CDH26: variants seen among roughly 807,000 people sequenced by gnomAD.
CDH26 encodes the protein cadherin 26.
CDH26 carries 83 observed loss-of-function variants against 90.3 expected under a neutral mutation model. The observed-to-expected ratio is 0.92, with a 90% CI of 0.77 to 1.10. CDH26 has a LOEUF of 1.10. CDH26 is among the 50% of genes least tolerant of loss of function. CDH26 has a pLI of 0.00. For synonymous variants in CDH26, 397 were observed against 396.3 expected (o/e 1.00, Z -0.02); for missense variants, 1,013 against 1,037.6 (o/e 0.98, Z 0.33).
intron 13 of CDH26, among the ~76,000 whole-genome samples, chr20:59,997,914 C>G (rs1385656678): frequency 6.6e-6 from 1 of 152,218 alleles, no homozygotes; most frequent in Non-Finnish European, 1.5e-5. Context: ...TTTGTCTTCC[C>G]TGCGGCATGA....
At chr20:60,018,673 C>G (rs1336430920), downstream of CDH26, among the ~76,000 whole-genome samples, 1 of 79,302 alleles carries the variant, frequency 1.3e-5, no homozygotes, top group Non-Finnish European at 2.7e-5. Flanking sequence ...TTTTGTATAT[C>G]CTCTGTTTCT....
At chr20:59,984,534 C>T in intron 5 of CDH26, 105 bp from the exon 6 acceptor site, 1 of 774,562 alleles carries the variant, frequency 1.3e-6, no homozygotes. Context: ...ACATTCCACT[C>T]ATTTTGGTAT....
chr20:60,010,853 G>C (rs1356222912), intron 17 of CDH26, among the ~76,000 whole-genome samples: 3 of 151,712 alleles, frequency 2.0e-5, no homozygotes, highest in African/African-American at 7.3e-5. Context: ...TCGAGCCGGA[G>C]CCTGCCCAGG....
At chr20:59,959,535 G>A (rs544763486) in intron 1 of CDH26, among the ~76,000 whole-genome samples, 19 of 151,776 alleles carry the variant, frequency 1.3e-4, no homozygotes, top group African/African-American at 4.6e-4. Flanking sequence ...CGAGTACTGG[G>A]ACTACAGGTG....
chr20:59,961,148 T>C (rs1297163294), intron 1 of CDH26, among the ~76,000 whole-genome samples: 2 of 152,226 alleles, frequency 1.3e-5, no homozygotes, highest in Non-Finnish European at 2.9e-5. Flanking sequence ...TGGATTTGAA[T>C]ATAGTCCAGA....
intron 1 of CDH26, among the ~76,000 whole-genome samples, chr20:59,966,843 T>G (rs557418800): frequency 1.4e-4 from 22 of 152,306 alleles, no homozygotes; most frequent in African/African-American, 5.1e-4. Context: ...GGAACCAACC[T>G]AAATGACCAT....
intron 4 of CDH26, among the ~76,000 whole-genome samples, chr20:59,975,891 A>G (rs1475171438): frequency 6.6e-6 from 1 of 152,054 alleles, no homozygotes; most frequent in Non-Finnish European, 1.5e-5. Context: ...ACATTTATTA[A>G]CTCCATGCAT....
chr20:60,002,929 G>A, intron 16 of CDH26, 63 bp downstream of exon 16: 1 of 1,263,296 alleles, frequency 7.9e-7, no homozygotes, highest in Non-Finnish European at 1.1e-6. Flanking sequence ...TAAAAGCTGT[G>A]CAAATCCCTG....
chr20:60,001,316 T>C (rs1335434142), intron 14 of CDH26, 27 bp from the exon 15 acceptor site: 1 of 1,613,482 alleles, frequency 6.2e-7, no homozygotes, highest in East Asian at 2.2e-5. Context: ...CCATTCTCTT[T>C]TGAGTAAATC....
intron 16 of CDH26, among the ~76,000 whole-genome samples, chr20:60,005,667 G>T (rs1049000783): frequency 6.6e-6 from 1 of 152,122 alleles, no homozygotes; most frequent in Non-Finnish European, 1.5e-5. Flanking sequence ...AACACAAATT[G>T]TATGTCACTC....
chr20:60,001,689 A>G (rs566718365), intron 15 of CDH26: 1 of 881,112 alleles, frequency 1.1e-6, no homozygotes, highest in African/African-American at 1.8e-5. Context: ...ACATTTTCTC[A>G]TGTCCTTCTA....
intron 4 of CDH26, among the ~76,000 whole-genome samples, chr20:59,980,599 T>C (rs1181706297): frequency 6.6e-6 from 1 of 152,192 alleles, no homozygotes. Context: ...CACCCGGCCA[T>C]ATATTGTTTG....
intron 8 of CDH26, among the ~76,000 whole-genome samples, chr20:59,988,237 C>A (rs1240257342): frequency 6.6e-6 from 1 of 152,186 alleles, no homozygotes; most frequent in African/African-American, 2.4e-5. Flanking sequence ...GAGGATCCCA[C>A]TGGGGCAGTC....
At chr20:60,026,732 A>G (rs900038344) in intron 7 of CDH26, among the ~76,000 whole-genome samples, 1 of 152,164 alleles carries the variant, frequency 6.6e-6, no homozygotes, top group African/African-American at 2.4e-5. Flanking sequence ...GCTCTGTGAA[A>G]CTCAGGGCAG....
rs776671359 is a variant in CDH26, at chr20:60,001,412, G to C, written c.2166+1G>C. The C allele has an allele frequency of 1.2e-6, 2 of 1,613,658 alleles. No homozygotes were observed. Among genetic ancestry groups the C allele is most frequent in the Non-Finnish European group, 1.7e-6 (2 of 1,179,870 alleles). On this transcript the variant is annotated splice_donor_variant, in intron 15 of 17. Coordinates refer to ENST00000348616, the MANE Select transcript of CDH26 (RefSeq NM_177980.4). LOFTEE classifies it high-confidence loss of function. ...AGCACGCTGTGCTCTGGGGAGCTGG[G>C]TGAGTTCCAGAAGGTTGCTCCCTGC...
intron 7 of CDH26, among the ~76,000 whole-genome samples, chr20:60,024,556 A>G (rs2061981965): frequency 6.6e-6 from 1 of 152,230 alleles, no homozygotes; most frequent in Admixed American, 6.5e-5. Flanking sequence ...CCTCATTCAT[A>G]TCTCAGAGAA....
chr20:59,962,941 G>A (rs1453783801), intron 1 of CDH26, among the ~76,000 whole-genome samples: 2 of 152,176 alleles, frequency 1.3e-5, no homozygotes, highest in African/African-American at 4.8e-5. Flanking sequence ...CTATCAGTCT[G>A]GGACATGTAG....
chr20:60,019,368 G>A (rs919133746), downstream of CDH26, among the ~76,000 whole-genome samples: 1 of 152,038 alleles, frequency 6.6e-6, no homozygotes. Context: ...TCACTTAATG[G>A]TGTCCCATAA....
chr20:59,969,533 T>C (rs2061224754), intron 2 of CDH26, among the ~76,000 whole-genome samples: 1 of 152,236 alleles, frequency 6.6e-6, no homozygotes, highest in East Asian at 1.9e-4. Context: ...TGTGAAAATA[T>C]ATAATGCAAA....
Sources: allele counts gnomAD v4.1 joint callset (sites outside exome capture counted in the v4.1 genomes callset), GRCh38; gene constraint gnomAD v4.1.1; transcripts MANE v1.5; gene names NCBI Gene and HGNC (gene_info 2026-07-23, HGNC 2026-07-21).